The following MORN5 variants were observed in gnomAD, a reference collection of about 807,000 sequenced individuals.
The protein encoded by MORN5 is MORN repeat containing 5, also known as MORN repeat-containing protein 5.
MORN5 carries 21 observed loss-of-function variants against 22.1 expected under a neutral mutation model. The observed-to-expected ratio is 0.95, with a 90% CI of 0.67 to 1.37. The LOEUF (loss-of-function observed/expected upper bound fraction) is 1.37, where lower values mean the gene tolerates loss of function less well. Among genes scored for constraint, MORN5 ranks in the 40% most tolerant of loss-of-function variants. The pLI is 0.00. For synonymous variants in MORN5, 73 were observed against 74.0 expected, an observed-to-expected ratio of 0.99 and a Z score of 0.07; for missense variants, 211 against 215.1, an observed-to-expected ratio of 0.98 and a Z score of 0.12.
intron 4 of MORN5, among the ~76,000 whole-genome samples, chr9:122,176,024 A>T (rs1292482121): frequency 1.3e-5 from 2 of 151,282 alleles, no homozygotes; most frequent in African/African-American, 4.9e-5. Flanking sequence ...AGGATGAGAC[A>T]GGAGAATGGC....
In MORN5 at chr9:122,160,065, A is replaced by G. The variant is rs764118148; in HGVS notation, c.47+46A>G. ...ACTTACTATACCTTGAATAGCTGTG[A>G]CTGGAAAAAGACGGCTTTTTGCTTC... On this transcript the variant is annotated intron_variant, in intron 1 of 4. Coordinates refer to ENST00000373764, the MANE Select transcript of MORN5 (RefSeq NM_198469.4). The G allele has an allele frequency of 1.4e-5, 22 of 1,555,938 alleles. No homozygotes were observed. The East Asian group carries it at 4.5e-4, about 32-fold the overall frequency.
At chr9:122,196,787 T>C (rs1829902458) in intron 4 of MORN5, among the ~76,000 whole-genome samples, 1 of 152,234 alleles carries the variant, frequency 6.6e-6, no homozygotes, top group African/African-American at 2.4e-5. Context: ...TGTGCACAGT[T>C]ATGACATAGG....
rs1829297269 is a variant in MORN5 at position 122,167,065 on chromosome 9, T to TA, written c.195+150_195+151insA. ...TCCCCCACTCCCCCCACTTTTTTTT[T>TA]TTTTTTTTAGTCTCACTCTGTCACC... On this transcript the variant is annotated intron_variant, in intron 2 of 4. Coordinates refer to ENST00000373764, the MANE Select transcript of MORN5 (RefSeq NM_198469.4). 3 of 733,022 alleles carry TA rather than the reference T, an allele frequency of 4.1e-6. No individual in the cohort carries two copies. The East Asian group carries it at 9.0e-5, about 22-fold the overall frequency. The allele number at this position is 733,022 out of a possible 1,614,324, so 45.4% of individuals were successfully genotyped here. A position where few individuals can be genotyped will look rare whatever the true frequency, so the allele number is the denominator to read the frequency against.
At chr9:122,180,123 G>C (rs1376520227) in intron 4 of MORN5, among the ~76,000 whole-genome samples, 1 of 152,136 alleles carries the variant, frequency 6.6e-6, no homozygotes. Flanking sequence ...TGTGTGCCAG[G>C]CTTTGGGGTT....
chr9:122,191,650 A>G (rs1829769791), intron 4 of MORN5, among the ~76,000 whole-genome samples: 1 of 152,228 alleles, frequency 6.6e-6, no homozygotes, highest in Non-Finnish European at 1.5e-5. Context: ...TGGAAGCTGC[A>G]TAGCAGCGGT....
chr9:122,169,645 G>T lies in MORN5; in HGVS notation c.196G>T (p.Gly66Cys). 1 of 1,608,330 alleles carries T rather than the reference G, an allele frequency of 6.2e-7. No homozygotes were observed. Residue 66 changes from glycine (G) to cysteine (C), a missense_variant and splice_region_variant, in exon 3 of 5, where the codon GGC becomes TGC. Coordinates refer to ENST00000373764, the MANE Select transcript of MORN5 (RefSeq NM_198469.4). ...CACGTGTGTGCTCCTTGTCTTCCAGGGCACATATACGTTCTCAGATGGGCT... is the reference window on the plus strand; with the variant it reads ...CACGTGTGTGCTCCTTGTCTTCCAGTGCACATATACGTTCTCAGATGGGCT... ...AIWENGLAIK[G>C]TYTFSDGLHY... is the part of the protein sequence containing the mutation.
At chr9:122,185,298 C>T (rs553978340) in intron 4 of MORN5, among the ~76,000 whole-genome samples, 2 of 152,036 alleles carry the variant, frequency 1.3e-5, no homozygotes, top group South Asian at 2.1e-4. Flanking sequence ...TCTCGGCTCA[C>T]TGCAAGCTCC....
rs200835406 is a variant in MORN5 at position 122,174,617 on chromosome 9, A to G, written c.429A>G (p.Leu143=). 29 of 1,614,022 alleles carry G rather than the reference A, an allele frequency of 1.8e-5. No homozygotes were observed. The highest frequency in any genetic ancestry group is 2.4e-5 in the Non-Finnish European group (28 of 1,180,010). Residue 143 remains leucine (L), a synonymous_variant, in exon 4 of 5, where the codon CTA becomes CTG. Transcript: ENST00000373764. ...RVVKDYRNRF[L]RNADDDEHEW... ...TCAAGGACTATAGGAACCGCTTTCT[A>G]AGAAACGCAGGTAGGTTTCTTCCGA...
intron 4 of MORN5, among the ~76,000 whole-genome samples, chr9:122,177,921 A>G (rs1829478114): frequency 6.6e-6 from 1 of 152,238 alleles, no homozygotes; most frequent in Non-Finnish European, 1.5e-5. Context: ...AGGAAGCCCC[A>G]ACAGACACTG....
At position 122,174,931 on chromosome 9, in the gene MORN5, T is replaced by A. The variant is rs552362284; in HGVS notation, c.439+304T>A. The stretch of plus-strand genomic sequence containing the variant: ...TCGATTTTAATGGGCACCTACTATA[T>A]GCTAGACACTGTGCTTGGTGTTGGG... On this transcript the variant is annotated intron_variant, in intron 4 of 4. Coordinates refer to ENST00000373764, the MANE Select transcript of MORN5 (RefSeq NM_198469.4). 1.3e-4 allele frequency: 121 copies of A among 927,566 alleles called. No homozygotes were observed. In the African/African-American group the frequency reaches 2.1e-3, roughly 16 times the overall value. The allele number at this position is 927,566 out of a possible 1,614,324, so 57.5% of individuals were successfully genotyped here.
In MORN5 at chr9:122,199,945, G is replaced by A; in HGVS notation, c.*14G>A. 6.2e-7 allele frequency: 1 copy of A among 1,613,934 alleles called. No homozygotes were observed. The highest frequency in any genetic ancestry group is 8.5e-7 in the Non-Finnish European group (1 of 1,179,856). On this transcript the variant is annotated 3_prime_UTR_variant, in exon 5 of 5. Coordinates refer to ENST00000373764, the MANE Select transcript of MORN5 (RefSeq NM_198469.4). ...CGAAAGGGCTAGGATGAGATCGTGG[G>A]TCACAGGCCCGAGCCGTGAACTCTG... is the stretch of plus-strand genomic sequence containing the variant.
intron 3 of MORN5, 95 bp downstream of exon 3, chr9:122,169,851 A>T (rs1459257455): frequency 2.2e-6 from 2 of 902,682 alleles, no homozygotes; most frequent in Admixed American, 1.8e-5. Flanking sequence ...AAGTAACTTA[A>T]AGGGGAAGAG....
At chr9:122,162,369 G>C (rs1829213750) in intron 1 of MORN5, among the ~76,000 whole-genome samples, 1 of 152,142 alleles carries the variant, frequency 6.6e-6, no homozygotes, top group South Asian at 2.1e-4. Context: ...GGTTTAAAAA[G>C]TTTATGTAGA....
chr9:122,161,198 G>A (rs1285387427), intron 1 of MORN5, among the ~76,000 whole-genome samples: 1 of 152,170 alleles, frequency 6.6e-6, no homozygotes, highest in Non-Finnish European at 1.5e-5. Context: ...CCCACCTTGG[G>A]GCTCTGTATT....
chr9:122,194,320 A>C (rs60608662), intron 4 of MORN5, among the ~76,000 whole-genome samples: 1 of 152,088 alleles, frequency 6.6e-6, no homozygotes, highest in African/African-American at 2.4e-5. Flanking sequence ...AAGCACTGGG[A>C]TATCATAGTG....
intron 4 of MORN5, among the ~76,000 whole-genome samples, chr9:122,194,077 G>A (rs1406016123): frequency 6.6e-6 from 1 of 152,148 alleles, no homozygotes; most frequent in Non-Finnish European, 1.5e-5. Flanking sequence ...AGGGCATGCA[G>A]GTGGCAGCGA....
intron 4 of MORN5, among the ~76,000 whole-genome samples, chr9:122,199,556 C>T (rs1274324029): frequency 1.3e-5 from 2 of 152,132 alleles, no homozygotes; most frequent in East Asian, 1.9e-4. Flanking sequence ...GGCTGTCGTG[C>T]GTGGGCTGTC....
At chr9:122,186,004 A>G (rs1829626582) in intron 4 of MORN5, among the ~76,000 whole-genome samples, 1 of 152,194 alleles carries the variant, frequency 6.6e-6, no homozygotes, top group South Asian at 2.1e-4. Context: ...GCACGCGGGG[A>G]CATCCATGCT....
At chr9:122,191,348 A>G (rs527814827) in intron 4 of MORN5, among the ~76,000 whole-genome samples, 82 of 152,316 alleles carry the variant, frequency 5.4e-4, no homozygotes, top group African/African-American at 1.8e-3. Flanking sequence ...ACACACTCGC[A>G]GCTTCACTGA....
Sources: gnomAD v4.1 joint callset for allele counts (sites outside exome capture counted in the v4.1 genomes callset) on GRCh38, gnomAD v4.1.1 for gene constraint, MANE v1.5 for transcripts, NCBI Gene and HGNC (gene_info 2026-07-23, HGNC 2026-07-21) for gene names.